ATG7: variants seen among roughly 807,000 people sequenced by gnomAD.
ATG7 encodes ubiquitin-like modifier-activating enzyme ATG7.
A neutral mutation model predicts 82.4 loss-of-function variants in ATG7; 70 were observed. That is an observed-to-expected ratio of 0.85 (90% CI 0.70 to 1.04). The LOEUF is 1.04. Among genes scored for constraint, ATG7 ranks in the 50% least tolerant of loss-of-function variants. ATG7 has a pLI of 0.00. For synonymous variants in ATG7, 287 were observed against 313.0 expected, an observed-to-expected ratio of 0.92 and a Z score of 0.88; for missense variants, 792 against 864.3, an observed-to-expected ratio of 0.92 and a Z score of 1.05.
chr3:11,505,069 A>G (rs554790203), intron 20 of ATG7, among the ~76,000 whole-genome samples: 63 of 152,346 alleles, frequency 4.1e-4, no homozygotes, highest in African/African-American at 1.4e-3. Flanking sequence ...AACTAAAAGT[A>G]TCAGGTAAGT....
chr3:11,566,367 C>T, the ATG7 span, among the ~76,000 whole-genome samples: 1 of 152,248 alleles, frequency 6.6e-6, no homozygotes, highest in Non-Finnish European at 1.5e-5. Flanking sequence ...AACTACAGTA[C>T]AATATCACAA....
At chr3:11,336,083 A>G (rs1361715666) in intron 11 of ATG7, among the ~76,000 whole-genome samples, 3 of 134,270 alleles carry the variant, frequency 2.2e-5, no homozygotes, top group Non-Finnish European at 4.6e-5. Context: ...TCTGTTGCCC[A>G]GACTGGAGTG....
chr3:11,406,485 A>T (rs969625959), intron 19 of ATG7, among the ~76,000 whole-genome samples: 2 of 151,978 alleles, frequency 1.3e-5, no homozygotes, highest in Admixed American at 6.6e-5. Context: ...TAAAAAAAAA[A>T]TTTGTAGAGA....
intron 18 of ATG7, among the ~76,000 whole-genome samples, chr3:11,370,323 C>T (rs528301743): frequency 6.6e-6 from 1 of 151,048 alleles, no homozygotes; most frequent in Non-Finnish European, 1.5e-5. Flanking sequence ...AGTTTTTCTG[C>T]CCCCTTGGTG....
intron 13 of ATG7, among the ~76,000 whole-genome samples, chr3:11,344,381 GT>G (rs1954154729): frequency 6.6e-6 from 1 of 152,184 alleles, no homozygotes; most frequent in African/African-American, 2.4e-5. Flanking sequence ...TTTCTGGTAA[GT>G]GTTCTTTATA....
At chr3:11,528,331 AC>A (rs1319359200) in intron 20 of ATG7, among the ~76,000 whole-genome samples, 2 of 152,230 alleles carry the variant, frequency 1.3e-5, no homozygotes, top group African/African-American at 4.8e-5. Context: ...CTTTAAAAAA[AC>A]ATAAGATAGC....
At chr3:11,563,597 G>A in the ATG7 span, among the ~76,000 whole-genome samples, 19 of 152,320 alleles carry the variant, frequency 1.2e-4, no homozygotes, top group African/African-American at 3.4e-4. Flanking sequence ...AATGGTGAGC[G>A]CTCGTAAAAC....
intron 19 of ATG7, among the ~76,000 whole-genome samples, chr3:11,418,171 C>G (rs13085240): frequency 0.21 from 32,465 of 151,442 alleles, 3,940 homozygotes; most frequent in South Asian, 0.35. Context: ...ATCGTGCGAT[C>G]TCAGCTCACT....
At chr3:11,346,887 C>G (rs896558720) in intron 13 of ATG7, among the ~76,000 whole-genome samples, 2 of 152,202 alleles carry the variant, frequency 1.3e-5, no homozygotes, top group African/African-American at 4.8e-5. Flanking sequence ...GCCTGTCGTT[C>G]TCGACACAGA....
At chr3:11,382,296 A>G (rs2077965650) in intron 19 of ATG7, among the ~76,000 whole-genome samples, 1 of 152,248 alleles carries the variant, frequency 6.6e-6, no homozygotes, top group Non-Finnish European at 1.5e-5. Context: ...AGAGAGAGAG[A>G]GTGCGAGCAC....
intron 20 of ATG7, among the ~76,000 whole-genome samples, chr3:11,457,703 C>T (rs560192000): frequency 1.3e-5 from 2 of 152,182 alleles, no homozygotes; most frequent in South Asian, 2.1e-4. Flanking sequence ...TTTGTGTGCC[C>T]CTCGCTTATG....
chr3:11,486,978 GC>G (rs2089750287), intron 20 of ATG7, among the ~76,000 whole-genome samples: 1 of 151,758 alleles, frequency 6.6e-6, no homozygotes, highest in South Asian at 2.1e-4. Flanking sequence ...AGAGGACCCT[GC>G]GGCCTTCCGC....
At chr3:11,428,228 C>A (rs114926483) in intron 20 of ATG7, among the ~76,000 whole-genome samples, 1,607 of 152,326 alleles carry the variant, frequency 0.011, 18 homozygotes, top group Non-Finnish European at 0.014. Flanking sequence ...TGCATATCCT[C>A]ACCATTCAGG....
intron 19 of ATG7, among the ~76,000 whole-genome samples, chr3:11,402,838 A>G (rs532682753): frequency 3.9e-5 from 6 of 152,338 alleles, no homozygotes; most frequent in African/African-American, 1.4e-4. Flanking sequence ...CAGTTTATTT[A>G]ACAATCGACG....
At chr3:11,317,265 C>G (rs770243092) in intron 9 of ATG7, among the ~76,000 whole-genome samples, 12 of 152,096 alleles carry the variant, frequency 7.9e-5, no homozygotes, top group Non-Finnish European at 7.4e-5. Flanking sequence ...ATTTAAAGTC[C>G]AATCTAGTGT....
downstream of ATG7, among the ~76,000 whole-genome samples, chr3:11,560,690 G>T (rs960958681): frequency 2.6e-5 from 4 of 152,140 alleles, no homozygotes; most frequent in East Asian, 5.8e-4. Context: ...GCCAGGGTAG[G>T]GGGGGATGTG....
At chr3:11,527,162 T>C (rs1195336182) in intron 20 of ATG7, among the ~76,000 whole-genome samples, 1 of 151,546 alleles carries the variant, frequency 6.6e-6, no homozygotes, top group African/African-American at 2.4e-5. Flanking sequence ...TGGAGTACAG[T>C]AGCACGCTCT....
At chr3:11,339,350 A>C (rs990553354) in intron 11 of ATG7, among the ~76,000 whole-genome samples, 3 of 152,106 alleles carry the variant, frequency 2.0e-5, no homozygotes, top group Admixed American at 1.3e-4. Flanking sequence ...TTAGAAACAA[A>C]ATTAAAATTC....
chr3:11,431,267 G>A (rs572086867), intron 20 of ATG7, among the ~76,000 whole-genome samples: 1 of 152,314 alleles, frequency 6.6e-6, no homozygotes, highest in Non-Finnish European at 1.5e-5. Flanking sequence ...TGGGTGTGGT[G>A]GCATGTGCCT....
Sources: allele counts gnomAD v4.1 joint callset (sites outside exome capture counted in the v4.1 genomes callset), GRCh38; gene constraint gnomAD v4.1.1; transcripts MANE v1.5; gene names NCBI Gene and HGNC (gene_info 2026-07-23, HGNC 2026-07-21).